KCTD16: variants seen among roughly 807,000 people sequenced by gnomAD.
KCTD16 encodes the protein potassium channel tetramerization domain containing 16, also known as BTB/POZ domain-containing protein KCTD16.
Under a neutral mutation model 33.2 loss-of-function variants are expected in KCTD16, and 13 were observed. That is an observed-to-expected ratio of 0.39 (90% CI 0.25 to 0.62). The LOEUF (loss-of-function observed/expected upper bound fraction) is 0.62, where lower values mean the gene tolerates loss of function less well. Ranked by LOEUF, KCTD16 falls within the 20% of genes least tolerant of loss-of-function variation. KCTD16 has a pLI of 0.50. For missense variants in KCTD16, 441 were observed against 525.1 expected, an observed-to-expected ratio of 0.84 and a Z score of 1.57; for synonymous variants, 197 against 195.3, an observed-to-expected ratio of 1.01 and a Z score of -0.07.
intron 3 of KCTD16, among the ~76,000 whole-genome samples, chr5:144,250,748 C>A (rs115197323): frequency 1.1e-3 from 163 of 152,172 alleles, no homozygotes; most frequent in Admixed American, 2.6e-3. Flanking sequence ...CCTTGCTAAG[C>A]CTTTGTTTCA....
chr5:144,371,421 C>G (rs535886235), intron 3 of KCTD16, among the ~76,000 whole-genome samples: 2 of 152,180 alleles, frequency 1.3e-5, no homozygotes, highest in African/African-American at 4.8e-5. Flanking sequence ...GATTTGAGAG[C>G]CAAACATTAA....
chr5:144,349,137 A>T (rs1288762671), intron 3 of KCTD16, among the ~76,000 whole-genome samples: 2 of 152,182 alleles, frequency 1.3e-5, no homozygotes, highest in African/African-American at 4.8e-5. Context: ...AATAAAACAA[A>T]ATGTTTTATA....
At chr5:144,174,231 A>G (rs1176803151) in intron 1 of KCTD16, 76 bp from the exon 2 acceptor site, 2 of 152,248 alleles carry the variant, frequency 1.3e-5, no homozygotes. Context: ...AACACACGCA[A>G]AACAACTCCA....
rs146760710 is a variant in KCTD16, at chr5:144,473,764, T to A, written c.937T>A (p.Ser313Thr). 1.3e-4 allele frequency: 206 copies of A among 1,613,970 alleles called. No individual in the cohort carries two copies. Among genetic ancestry groups the A allele is most frequent in the Admixed American group, 3.0e-4 (18 of 59,990 alleles). The change falls in exon 4 of 4, where the codon TCT becomes ACT. Residue 313 changes from serine (S) to threonine (T), a missense_variant. Physicochemically the swap from Ser to Thr is moderately conservative, Grantham distance 58. Coordinates refer to ENST00000512467, the MANE Select transcript of KCTD16 (RefSeq NM_020768.4). Reference protein sequence around the residue: ...SGTSCNDLSTSSCDSQSEASS... With the variant: ...SGTSCNDLSTTSCDSQSEASS... Reference sequence around the variant, plus strand: ...CACGTCTTGCAATGACCTCTCCACATCTAGCTGCGACAGCCAGTCTGAGGC... The same window carrying A: ...CACGTCTTGCAATGACCTCTCCACAACTAGCTGCGACAGCCAGTCTGAGGC...
chr5:144,245,612 A>G (rs1480557231), intron 3 of KCTD16, among the ~76,000 whole-genome samples: 1 of 152,124 alleles, frequency 6.6e-6, no homozygotes, highest in East Asian at 1.9e-4. Context: ...TGTAATCCCC[A>G]ATCTTGGAGG....
At chr5:144,308,529 G>A (rs943636839) in intron 3 of KCTD16, among the ~76,000 whole-genome samples, 3 of 152,154 alleles carry the variant, frequency 2.0e-5, no homozygotes, top group Non-Finnish European at 4.4e-5. Context: ...TACCTCAACA[G>A]GAAACTCAAG....
chr5:144,376,342 A>G (rs1169544448), intron 3 of KCTD16, among the ~76,000 whole-genome samples: 1 of 152,192 alleles, frequency 6.6e-6, no homozygotes, highest in Non-Finnish European at 1.5e-5. Context: ...AATAATGTGT[A>G]ATAATATGGA....
intron 3 of KCTD16, among the ~76,000 whole-genome samples, chr5:144,275,009 G>A (rs1755401428): frequency 6.6e-6 from 1 of 152,148 alleles, no homozygotes; most frequent in Admixed American, 6.5e-5. Flanking sequence ...CACTAAAAAA[G>A]ATATTTTGAA....
chr5:144,382,140 C>T (rs1009833895), intron 3 of KCTD16, among the ~76,000 whole-genome samples: 2 of 152,088 alleles, frequency 1.3e-5, no homozygotes, highest in African/African-American at 4.8e-5. Flanking sequence ...TAAATTAATA[C>T]AGGAACAGAA....
At chr5:144,267,895 G>T (rs1484111419) in intron 3 of KCTD16, among the ~76,000 whole-genome samples, 1 of 152,078 alleles carries the variant, frequency 6.6e-6, no homozygotes, top group East Asian at 1.9e-4. Context: ...ACAAAAGGAG[G>T]TATTAGTTAT....
intron 3 of KCTD16, among the ~76,000 whole-genome samples, chr5:144,278,801 GTCT>G (rs1430755789): frequency 2.6e-5 from 4 of 152,094 alleles, no homozygotes; most frequent in Non-Finnish European, 5.9e-5. Flanking sequence ...CTGGCCGTTA[GTCT>G]TCTTATTAAA....
intron 3 of KCTD16, among the ~76,000 whole-genome samples, chr5:144,284,277 A>G (rs1037941039): frequency 4.6e-5 from 7 of 152,218 alleles, no homozygotes; most frequent in Admixed American, 4.6e-4. Context: ...AAAAGGGCAA[A>G]CACTCCAGGA....
chr5:144,302,165 C>T (rs1751459486), intron 3 of KCTD16, among the ~76,000 whole-genome samples: 1 of 152,150 alleles, frequency 6.6e-6, no homozygotes, highest in African/African-American at 2.4e-5. Flanking sequence ...AGAGCACATT[C>T]ATAGGTGATC....
At chr5:144,427,128 G>T (rs891516611) in intron 3 of KCTD16, among the ~76,000 whole-genome samples, 7 of 152,084 alleles carry the variant, frequency 4.6e-5, no homozygotes, top group African/African-American at 1.7e-4. Flanking sequence ...TAGCAGAGGA[G>T]CTCTAGGTTC....
At chr5:144,364,671 A>G (rs1432629348) in intron 3 of KCTD16, among the ~76,000 whole-genome samples, 1 of 152,242 alleles carries the variant, frequency 6.6e-6, no homozygotes, top group African/African-American at 2.4e-5. Context: ...TACTGCAATT[A>G]TGTAGTAATT....
chr5:144,317,910 G>A (rs1265520983), intron 3 of KCTD16, among the ~76,000 whole-genome samples: 1 of 152,212 alleles, frequency 6.6e-6, no homozygotes, highest in Non-Finnish European at 1.5e-5. Context: ...CAGAGATGGA[G>A]ATTTATTCAT....
chr5:144,331,178 T>A (rs1752349106), intron 3 of KCTD16, among the ~76,000 whole-genome samples: 1 of 152,112 alleles, frequency 6.6e-6, no homozygotes, highest in Non-Finnish European at 1.5e-5. Flanking sequence ...GTTTAGTGAG[T>A]CCTTGTAGAG....
chr5:144,287,906 T>G (rs2126859841), intron 3 of KCTD16, among the ~76,000 whole-genome samples: 1 of 152,262 alleles, frequency 6.6e-6, no homozygotes, highest in African/African-American at 2.4e-5. Context: ...AGTGTTGGGA[T>G]TACAGGCATG....
chr5:144,451,819 A>G (rs1021272153), intron 3 of KCTD16, among the ~76,000 whole-genome samples: 3 of 152,120 alleles, frequency 2.0e-5, no homozygotes, highest in East Asian at 3.9e-4. Context: ...CATCATTTCA[A>G]TGCCCTGGCT....
Sources: allele counts gnomAD v4.1 joint callset (sites outside exome capture counted in the v4.1 genomes callset), GRCh38; gene constraint gnomAD v4.1.1; transcripts MANE v1.5; gene names NCBI Gene and HGNC (gene_info 2026-07-23, HGNC 2026-07-21).